CDH8: variants seen among roughly 807,000 people sequenced by gnomAD.
The protein encoded by CDH8 is cadherin 8.
CDH8 carries 17 observed loss-of-function variants against 68.1 expected under a neutral mutation model. The observed-to-expected ratio is 0.25, with a 90% confidence interval of 0.17 to 0.37. The LOEUF is 0.37. Ranked by LOEUF, CDH8 falls within the 10% of genes least tolerant of loss-of-function variation. The pLI, the probability that CDH8 is intolerant of heterozygous loss-of-function variation, is 1.00. For missense variants in CDH8, 763 were observed against 999.3 expected (o/e 0.76, Z 3.19); for synonymous variants, 372 against 365.1 (o/e 1.02, Z -0.21).
chr16:61,901,440 T>C lies in CDH8; in HGVS notation c.286A>G (p.Ile96Val). Residue 96 changes from isoleucine (I) to valine (V), a missense_variant, in exon 3 of 12, where the codon ATC (isoleucine) becomes GTC (valine). Transcript: ENST00000577390. Reference protein sequence around the residue: ...HTDLDPGSKKIKYILSGDGAG... With the variant: ...HTDLDPGSKKVKYILSGDGAG... ...CCATCACCTGATAGGATATACTTGA[T>C]TTTTTTGCTCCCAGGATCCAGGTCT... 1 of 1,612,848 alleles carries C rather than the reference T, an allele frequency of 6.2e-7. No homozygotes were observed. Among genetic ancestry groups the C allele is most frequent in the Non-Finnish European group, 8.5e-7 (1 of 1,178,972 alleles).
intron 2 of CDH8, among the ~76,000 whole-genome samples, chr16:61,987,031 A>G (rs1172326383): frequency 6.6e-6 from 1 of 152,184 alleles, no homozygotes; most frequent in Non-Finnish European, 1.5e-5. Flanking sequence ...CCCTCTCCCA[A>G]CTTCCAAATA....
Position 61,990,982 on chromosome 16 carries a change from G to A in CDH8, c.252+30170C>T, listed in dbSNP as rs1012268167. The stretch of plus-strand genomic sequence containing the variant: ...AAGAAAGAAAGAAAGAGAAAGAAAG[G>A]AAGGAAGAAAGGGAGGAAGGAAAGG... On this transcript the variant is annotated intron_variant, in intron 2 of 11. Coordinates refer to ENST00000577390, the MANE Select transcript of CDH8 (RefSeq NM_001796.5). Among the ~76,000 whole-genome samples, 5 of 152,012 alleles carry A rather than the reference G, an allele frequency of 3.3e-5. No homozygotes were observed. The South Asian group carries it at 8.3e-4, about 25-fold the overall frequency.
At chr16:61,669,860 T>C (rs1464196614) in intron 10 of CDH8, among the ~76,000 whole-genome samples, 2 of 152,084 alleles carry the variant, frequency 1.3e-5, no homozygotes. Flanking sequence ...CTTTCTGTTC[T>C]ATAACATTTT....
intron 7 of CDH8, among the ~76,000 whole-genome samples, chr16:61,801,088 C>T (rs989776214): frequency 6.6e-6 from 1 of 151,900 alleles, no homozygotes; most frequent in Non-Finnish European, 1.5e-5. Flanking sequence ...CTAGAGAATA[C>T]AGAAGCTTCA....
At chr16:61,873,569 G>A (rs570365117) in intron 3 of CDH8, among the ~76,000 whole-genome samples, 2 of 152,292 alleles carry the variant, frequency 1.3e-5, no homozygotes, top group African/African-American at 4.8e-5. Flanking sequence ...ACTTATGACG[G>A]GTCAACTTAT....
At chr16:61,699,354 T>C (rs1212743450) in intron 10 of CDH8, among the ~76,000 whole-genome samples, 1 of 152,184 alleles carries the variant, frequency 6.6e-6, no homozygotes, top group East Asian at 1.9e-4. Context: ...ACATTTGAAA[T>C]TGTGCTTTTA....
intron 4 of CDH8, among the ~76,000 whole-genome samples, chr16:61,851,402 C>T (rs958622732): frequency 4.6e-5 from 7 of 152,008 alleles, no homozygotes; most frequent in African/African-American, 1.7e-4. Flanking sequence ...ATTTTTCATA[C>T]TCTCACTTGC....
intron 3 of CDH8, among the ~76,000 whole-genome samples, chr16:61,863,542 C>A (rs758081668): frequency 2.0e-5 from 3 of 152,074 alleles, no homozygotes; most frequent in Non-Finnish European, 2.9e-5. Context: ...AAGAAAAATG[C>A]TGGTGCTGAC....
At chr16:61,699,900 A>G (rs1964390885) in intron 10 of CDH8, among the ~76,000 whole-genome samples, 1 of 152,110 alleles carries the variant, frequency 6.6e-6, no homozygotes, top group African/African-American at 2.4e-5. Flanking sequence ...CTTGTACTGA[A>G]GTTCTTGTTC....
intron 2 of CDH8, 56 bp downstream of exon 2, chr16:62,021,096 A>C: frequency 6.8e-7 from 1 of 1,474,208 alleles, no homozygotes. Flanking sequence ...TCTGGTATTA[A>C]ACATCTTAAG....
At position 61,789,371 on chromosome 16, in the gene CDH8, G is replaced by A. The variant is rs1345485689; in HGVS notation, c.1389C>T (p.Asn463=). ...PLDRELSVWH[N]ITIIATEIRN... The stretch of plus-strand genomic sequence containing the variant: ...TAATTTCAGTAGCAATGATTGTTAT[G>A]TTGTGCCATACACTTAATTCTCTGT... Residue 463 remains asparagine (N), a synonymous_variant, in exon 8 of 12, where the codon AAC becomes AAT. Transcript: ENST00000577390. The A allele has an allele frequency of 1.2e-6, 2 of 1,612,166 alleles. No homozygotes were observed. Among genetic ancestry groups the A allele is most frequent in the Non-Finnish European group, 1.7e-6 (2 of 1,178,960 alleles).
intron 1 of CDH8, among the ~76,000 whole-genome samples, chr16:62,029,240 T>G (rs1042479842): frequency 2.6e-5 from 4 of 152,216 alleles, no homozygotes; most frequent in Non-Finnish European, 5.9e-5. Context: ...ATTGGATGTT[T>G]CGAGTGCTTA....
intron 10 of CDH8, among the ~76,000 whole-genome samples, chr16:61,694,910 T>A (rs950649710): frequency 6.6e-6 from 1 of 151,832 alleles, no homozygotes; most frequent in African/African-American, 2.4e-5. Context: ...GCCTCCCGAG[T>A]AGCTGGGACT....
At chr16:61,763,884 A>G (rs1329370938) in intron 8 of CDH8, among the ~76,000 whole-genome samples, 1 of 152,172 alleles carries the variant, frequency 6.6e-6, no homozygotes, top group African/African-American at 2.4e-5. Flanking sequence ...CTGTAAGAGC[A>G]AAATAAATGG....
At chr16:61,662,657 A>T (rs1015684404) in intron 10 of CDH8, among the ~76,000 whole-genome samples, 3 of 151,944 alleles carry the variant, frequency 2.0e-5, no homozygotes, top group African/African-American at 7.2e-5. Flanking sequence ...AATTAAAACA[A>T]TGCAAATTAA....
At chr16:61,967,521 C>G (rs182331591) in intron 2 of CDH8, among the ~76,000 whole-genome samples, 24 of 152,252 alleles carry the variant, frequency 1.6e-4, no homozygotes, top group Non-Finnish European at 2.4e-4. Context: ...CATATACATA[C>G]AGAGCTATCT....
At chr16:61,782,370 G>C (rs963390734) in intron 8 of CDH8, among the ~76,000 whole-genome samples, 5 of 152,084 alleles carry the variant, frequency 3.3e-5, no homozygotes, top group Admixed American at 6.5e-5. Context: ...CGAATATTGC[G>C]CTTTTCAGAC....
chr16:61,852,730 T>G (rs923085563), intron 4 of CDH8, among the ~76,000 whole-genome samples: 3 of 152,106 alleles, frequency 2.0e-5, no homozygotes, highest in African/African-American at 7.2e-5. Flanking sequence ...ATCTTCTCTA[T>G]GAATTGTGGC....
chr16:61,939,148 G>C (rs1964673030), intron 2 of CDH8, among the ~76,000 whole-genome samples: 2 of 152,068 alleles, frequency 1.3e-5, no homozygotes, highest in African/African-American at 4.8e-5. Flanking sequence ...TTAAAATTGG[G>C]TATCAATATA....
Sources: gnomAD v4.1 joint callset for allele counts (sites outside exome capture counted in the v4.1 genomes callset) on GRCh38, gnomAD v4.1.1 for gene constraint, MANE v1.5 for transcripts, NCBI Gene and HGNC (gene_info 2026-07-23, HGNC 2026-07-21) for gene names.